Variants in DNAH14 observed in about 807,000 individuals in gnomAD.
DNAH14 encodes axonemal beta dynein heavy chain 14.
DNAH14 carries 478 observed loss-of-function variants against 520.9 expected under a neutral mutation model. That is an observed-to-expected ratio of 0.92 (90% CI 0.85 to 0.99). DNAH14 has a LOEUF of 0.99. DNAH14 is among the 50% of genes least tolerant of loss of function. DNAH14 has a pLI of 0.00. For synonymous variants in DNAH14, 1,581 were observed against 1,757.2 expected (o/e 0.90, Z 2.51); for missense variants, 4,831 against 5,234.5 (o/e 0.92, Z 2.38).
intron 8 of DNAH14, among the ~76,000 whole-genome samples, chr1:224,991,385 G>T (rs568268963): frequency 1.3e-5 from 2 of 151,588 alleles, no homozygotes; most frequent in African/African-American, 4.8e-5. Context: ...GATTAGAGGC[G>T]CCCGGCTGAG....
intron 8 of DNAH14, among the ~76,000 whole-genome samples, chr1:224,983,932 G>A (rs1375641760): frequency 6.6e-6 from 1 of 152,130 alleles, no homozygotes; most frequent in African/African-American, 2.4e-5. Flanking sequence ...GCTCATGGAT[G>A]AGTAGAATCA....
At chr1:225,342,994 C>G (rs1463841361) in intron 69 of DNAH14, among the ~76,000 whole-genome samples, 4 of 152,138 alleles carry the variant, frequency 2.6e-5, no homozygotes, top group Non-Finnish European at 5.9e-5. Context: ...GGAAGCAAGA[C>G]AGATCTGCCT....
At chr1:225,183,789 A>G (rs1323585773) in intron 36 of DNAH14, among the ~76,000 whole-genome samples, 1 of 152,120 alleles carries the variant, frequency 6.6e-6, no homozygotes, top group Non-Finnish European at 1.5e-5. Context: ...GACTATTACG[A>G]ACACATCTAT....
At chr1:225,256,121 T>C (rs1004087821) in intron 44 of DNAH14, among the ~76,000 whole-genome samples, 3 of 152,170 alleles carry the variant, frequency 2.0e-5, no homozygotes, top group Admixed American at 1.3e-4. Context: ...TAATAAAATA[T>C]CTGGAAAACC....
chr1:225,250,672 T>G, intron 43 of DNAH14: 1 of 562,054 alleles, frequency 1.8e-6, no homozygotes, highest in South Asian at 2.5e-5. Context: ...AGCACTGGGG[T>G]CAGTCACAGG....
At chr1:225,255,951 A>G (rs2092717493) in intron 44 of DNAH14, among the ~76,000 whole-genome samples, 1 of 152,226 alleles carries the variant, frequency 6.6e-6, no homozygotes, top group African/African-American at 2.4e-5. Flanking sequence ...AAGAATAACA[A>G]CAGAGTCTAC....
At chr1:225,171,877 G>A (rs2082714548) in intron 36 of DNAH14, among the ~76,000 whole-genome samples, 2 of 148,360 alleles carry the variant, frequency 1.3e-5, no homozygotes, top group African/African-American at 5.0e-5. Flanking sequence ...ATAAAATACT[G>A]GCAAACCGAA....
chr1:225,385,547 C>T (rs1307311587), intron 81 of DNAH14, among the ~76,000 whole-genome samples: 1 of 152,210 alleles, frequency 6.6e-6, no homozygotes, highest in Admixed American at 6.5e-5. Context: ...GATACCAAAT[C>T]AATGTGCAAA....
chr1:225,011,758 CTTTTTTTTTTTTTT>C (rs200216236), intron 10 of DNAH14, among the ~76,000 whole-genome samples: 3 of 82,150 alleles, frequency 3.7e-5, no homozygotes, highest in Non-Finnish European at 6.5e-5. Context: ...GCAACCTCTG[CTTTTTTTTTTTTTT>C]TTTTTTTTTT....
At chr1:225,042,492 AT>A (rs913681843) in intron 12 of DNAH14, among the ~76,000 whole-genome samples, 2 of 152,266 alleles carry the variant, frequency 1.3e-5, no homozygotes, top group Admixed American at 1.3e-4. Context: ...CTTGTAGATG[AT>A]TAAGAGTCCT....
intron 1 of DNAH14, among the ~76,000 whole-genome samples, chr1:224,931,307 TAAA>T (rs2058683230): frequency 6.6e-6 from 1 of 152,162 alleles, no homozygotes. Context: ...GTTTATAAAG[TAAA>T]AAAGTTACAA....
At position 225,086,294 on chromosome 1, in the gene DNAH14, G is replaced by A. The variant is rs535232027; in HGVS notation, c.3573+505G>A. ...ACTACAGGTGCCCGCCACGACGCCC[G>A]GCTAATTGTTTGTATTTTTTTAGTA... On this transcript the variant is annotated intron_variant, in intron 21 of 85. Coordinates refer to ENST00000682510, the MANE Select transcript of DNAH14 (RefSeq NM_001367479.1). Among the ~76,000 whole-genome samples, 15 of 90,158 alleles carry A rather than the reference G, an allele frequency of 1.7e-4. No homozygotes were observed. In the South Asian group the frequency reaches 5.3e-3, roughly 32 times the overall value. 59.1% of individuals were successfully genotyped at this position (90,158 alleles called of 152,430 possible). A position where few individuals can be genotyped will look rare whatever the true frequency, so the allele number is the denominator to read the frequency against.
intron 17 of DNAH14, among the ~76,000 whole-genome samples, chr1:225,078,847 TCTCTCTCTCTCC>T (rs1232357718): frequency 5.9e-4 from 26 of 44,212 alleles, no homozygotes; most frequent in South Asian, 1.7e-3. Flanking sequence ...TCTCTCCCTC[TCTCTCTCTCTCC>T]CTCTCTCTCT....
At chr1:225,054,850 G>C (rs1024161586) in intron 17 of DNAH14, among the ~76,000 whole-genome samples, 1 of 151,976 alleles carries the variant, frequency 6.6e-6, no homozygotes, top group Non-Finnish European at 1.5e-5. Context: ...CTCCTTAAGT[G>C]TGCTTCTTAT....
intron 54 of DNAH14, among the ~76,000 whole-genome samples, chr1:225,283,909 C>G (rs2093681400): frequency 6.6e-6 from 1 of 152,022 alleles, no homozygotes; most frequent in South Asian, 2.1e-4. Flanking sequence ...CTATGTGGAA[C>G]TTTTACAACG....
intron 10 of DNAH14, among the ~76,000 whole-genome samples, chr1:225,023,262 A>G (rs1487182801): frequency 6.6e-6 from 1 of 151,804 alleles, no homozygotes; most frequent in Admixed American, 6.6e-5. Context: ...AGAAAAAACA[A>G]AGAAACAAAT....
chr1:225,181,106 G>A (rs1341163275), intron 36 of DNAH14, among the ~76,000 whole-genome samples: 1 of 152,120 alleles, frequency 6.6e-6, no homozygotes, highest in South Asian at 2.1e-4. Context: ...GTGCTAATTT[G>A]TATAGGATAA....
chr1:225,023,916 A>G, intron 11 of DNAH14, 51 bp downstream of exon 11: 1 of 1,477,222 alleles, frequency 6.8e-7, no homozygotes, highest in Non-Finnish European at 9.0e-7. Context: ...TAATATTTTA[A>G]CATTGCCACA....
chr1:225,138,869 A>T (rs77653112), intron 27 of DNAH14, among the ~76,000 whole-genome samples: 11,084 of 151,970 alleles, frequency 0.073, 630 homozygotes, highest in East Asian at 0.24. Context: ...GAGAACCTGG[A>T]TATTTCAGTT....
Sources: gnomAD v4.1 joint callset for allele counts (sites outside exome capture counted in the v4.1 genomes callset) on GRCh38, gnomAD v4.1.1 for gene constraint, MANE v1.5 for transcripts, NCBI Gene and HGNC (gene_info 2026-07-23, HGNC 2026-07-21) for gene names.